The following CACNA2D1 variants were observed in gnomAD, a reference collection of about 807,000 sequenced individuals.
The protein encoded by CACNA2D1 is voltage-dependent calcium channel subunit alpha-2/delta-1.
CACNA2D1 carries 53 observed loss-of-function variants against 171.5 expected under a neutral mutation model. The observed-to-expected ratio is 0.31, with a 90% CI of 0.25 to 0.39. CACNA2D1 has a LOEUF of 0.39. Ranked by LOEUF, CACNA2D1 falls within the 10% of genes least tolerant of loss-of-function variation. CACNA2D1 has a pLI of 1.00. For synonymous variants in CACNA2D1, 442 were observed against 443.1 expected (o/e 1.00, Z 0.03); for missense variants, 903 against 1,299.8 (o/e 0.69, Z 4.69).
chr7:82,151,658 A>G (rs1793867824), intron 4 of CACNA2D1, among the ~76,000 whole-genome samples: 1 of 152,114 alleles, frequency 6.6e-6, no homozygotes, highest in Non-Finnish European at 1.5e-5. Flanking sequence ...ACTTCGGTGG[A>G]GAGCAAAAAT....
intron 2 of CACNA2D1, among the ~76,000 whole-genome samples, chr7:82,349,104 T>C (rs1387025780): frequency 6.6e-6 from 1 of 152,154 alleles, no homozygotes; most frequent in Non-Finnish European, 1.5e-5. Context: ...AGTGACTATC[T>C]CTAATCTCTA....
chr7:82,161,004 G>A (rs1344571532), intron 4 of CACNA2D1, among the ~76,000 whole-genome samples: 2 of 151,992 alleles, frequency 1.3e-5, no homozygotes, highest in African/African-American at 4.8e-5. Flanking sequence ...TGACACGAGA[G>A]CCTTCATAAG....
At chr7:82,344,944 A>C (rs1266484074) in intron 2 of CACNA2D1, among the ~76,000 whole-genome samples, 3 of 152,140 alleles carry the variant, frequency 2.0e-5, no homozygotes, top group African/African-American at 7.2e-5. Context: ...CAATTGTGTA[A>C]AGGGAATTCT....
rs890364735 is a variant in CACNA2D1 at position 82,092,376 on chromosome 7, A to AT, written c.527-7477dup. On this transcript the variant is annotated intron_variant, in intron 6 of 38. Transcript: ENST00000356860. ...CTTCTATTGATAGTACTTCACAGTC[A>AT]TTTTTTTTTTCTTGAGACAGAGTCT... Among the ~76,000 whole-genome samples the AT allele has an allele frequency of 1.7e-3, 260 of 148,690 alleles. 1 individual carries two copies. The highest frequency in any genetic ancestry group is 2.9e-3 in the Non-Finnish European group (191 of 66,836).
intron 24 of CACNA2D1, among the ~76,000 whole-genome samples, chr7:81,978,516 G>A (rs1796087968): frequency 6.6e-6 from 1 of 151,930 alleles, no homozygotes; most frequent in African/African-American, 2.4e-5. Flanking sequence ...ACTCATAAGT[G>A]GGAGTCGAAC....
chr7:82,174,150 G>A (rs1360676140), intron 3 of CACNA2D1, among the ~76,000 whole-genome samples: 1 of 127,116 alleles, frequency 7.9e-6, no homozygotes, highest in African/African-American at 3.0e-5. Context: ...AGTATATCCT[G>A]TAACAATAAC....
chr7:82,433,702 C>T (rs936106295), intron 1 of CACNA2D1, among the ~76,000 whole-genome samples: 19 of 152,212 alleles, frequency 1.2e-4, no homozygotes, highest in African/African-American at 4.6e-4. Context: ...AATCTCCCTT[C>T]TGGTAACACT....
chr7:82,290,373 T>A (rs958723547), intron 3 of CACNA2D1, among the ~76,000 whole-genome samples: 4 of 152,142 alleles, frequency 2.6e-5, no homozygotes, highest in Non-Finnish European at 5.9e-5. Context: ...TCAGCAGTAA[T>A]ATACTAAGTT....
intron 1 of CACNA2D1, among the ~76,000 whole-genome samples, chr7:82,414,154 T>C (rs1285743206): frequency 6.6e-6 from 1 of 152,114 alleles, no homozygotes; most frequent in Non-Finnish European, 1.5e-5. Context: ...TTCACCAACC[T>C]AAAGGCAAGA....
chr7:82,212,595 G>T (rs1800675425), intron 3 of CACNA2D1, among the ~76,000 whole-genome samples: 1 of 152,196 alleles, frequency 6.6e-6, no homozygotes, highest in South Asian at 2.1e-4. Context: ...GAATAGCAGA[G>T]TCAAGGTTCA....
At chr7:82,068,686 C>T (rs1346402949) in intron 7 of CACNA2D1, among the ~76,000 whole-genome samples, 1 of 147,018 alleles carries the variant, frequency 6.8e-6, no homozygotes, top group Non-Finnish European at 1.5e-5. Flanking sequence ...TTAGTTACCA[C>T]TGCCAATATG....
At chr7:82,320,010 C>T (rs1346735867) in intron 3 of CACNA2D1, among the ~76,000 whole-genome samples, 1 of 152,072 alleles carries the variant, frequency 6.6e-6, no homozygotes, top group Non-Finnish European at 1.5e-5. Flanking sequence ...CTGGATAATA[C>T]ATGCAAGATA....
intron 4 of CACNA2D1, among the ~76,000 whole-genome samples, chr7:82,164,240 T>C (rs979621015): frequency 7.2e-5 from 11 of 152,020 alleles, no homozygotes. Flanking sequence ...AAATTGTATA[T>C]AGGCCACTCT....
chr7:82,065,491 C>A (rs1000032132), intron 8 of CACNA2D1, among the ~76,000 whole-genome samples: 3 of 152,174 alleles, frequency 2.0e-5, no homozygotes, highest in Non-Finnish European at 4.4e-5. Flanking sequence ...CTCCACTCAA[C>A]AGCCCCATGG....
intron 3 of CACNA2D1, among the ~76,000 whole-genome samples, chr7:82,262,541 TG>T (rs1043745117): frequency 2.0e-5 from 3 of 152,186 alleles, no homozygotes; most frequent in African/African-American, 7.2e-5. Flanking sequence ...AATTCACTTT[TG>T]TATTTTTCCT....
chr7:82,258,817 CTTT>C lies in CACNA2D1; in HGVS notation c.294+76315_294+76317del, dbSNP rs201927487. Among the ~76,000 whole-genome samples, 195 of 72,618 alleles carry C rather than the reference CTTT, an allele frequency of 2.7e-3. 2 individuals carry two copies. The highest frequency in any genetic ancestry group is 9.5e-3 in the African/African-American group (177 of 18,628). 47.6% of individuals were successfully genotyped at this position (72,618 alleles called of 152,430 possible). The stretch of plus-strand genomic sequence containing the variant: ...ATTTCTTTCTTTCTTTCTTACTTTT[CTTT>C]TTTTTTTTTTTTTTTTTTTGAGACA... On this transcript the variant is annotated intron_variant, in intron 3 of 38. Transcript: ENST00000356860.
Position 82,299,072 on chromosome 7 carries a change from A to G in CACNA2D1, c.294+36063T>C, listed in dbSNP as rs575321832. On this transcript the variant is annotated intron_variant, in intron 3 of 38. Transcript: ENST00000356860. ...AGCGAGACTCTGTCAAAAAAAAAAA[A>G]AAAAAGTAAAAATAATAGTAAATAC... is the stretch of plus-strand genomic sequence containing the variant. Among the ~76,000 whole-genome samples, 8 of 148,380 alleles carry G rather than the reference A, an allele frequency of 5.4e-5. No homozygotes were observed. In the East Asian group the frequency reaches 1.6e-3, roughly 29 times the overall value.
intron 5 of CACNA2D1, among the ~76,000 whole-genome samples, chr7:82,128,863 C>T (rs546360130): frequency 4.6e-5 from 7 of 152,134 alleles, no homozygotes; most frequent in African/African-American, 1.7e-4. Context: ...TCTGAGGAGT[C>T]TATCTTGTAT....
At chr7:82,415,112 C>G (rs1234926761) in intron 1 of CACNA2D1, among the ~76,000 whole-genome samples, 1 of 152,176 alleles carries the variant, frequency 6.6e-6, no homozygotes, top group Non-Finnish European at 1.5e-5. Flanking sequence ...TACACATTTT[C>G]CAAACCTGGA....
Sources: allele counts gnomAD v4.1 joint callset (sites outside exome capture counted in the v4.1 genomes callset), GRCh38; gene constraint gnomAD v4.1.1; transcripts MANE v1.5; gene names NCBI Gene and HGNC (gene_info 2026-07-23, HGNC 2026-07-21).